Variants in NUP155 observed in about 807,000 individuals in gnomAD.
NUP155 encodes the protein nuclear pore complex protein Nup155.
In NUP155, 71 loss-of-function variants were observed where a neutral mutation model predicts 180.4. The ratio of observed to expected loss-of-function variants is 0.39; its 90% CI spans 0.33 to 0.48. The LOEUF is 0.48. NUP155 is among the 20% of genes least tolerant of loss of function. The pLI, the probability that NUP155 is intolerant of heterozygous loss-of-function variation, is 0.91. For missense variants in NUP155, 1,553 were observed against 1,648.9 expected (o/e 0.94, Z 1.01); for synonymous variants, 582 against 559.5 (o/e 1.04, Z -0.57).
At chr5:37,305,534 T>C (rs1040835259) in intron 25 of NUP155, among the ~76,000 whole-genome samples, 2 of 151,916 alleles carry the variant, frequency 1.3e-5, no homozygotes, top group African/African-American at 2.4e-5. Flanking sequence ...ATACAAAAAT[T>C]AGCCGGGCTT....
At chr5:37,292,650 A>G (rs988306434) in intron 34 of NUP155, among the ~76,000 whole-genome samples, 1 of 152,240 alleles carries the variant, frequency 6.6e-6, no homozygotes, top group Admixed American at 6.5e-5. Context: ...TCACTAATCT[A>G]AAGTAGAAGA....
Position 37,298,731 on chromosome 5 carries a change from G to T in NUP155, c.3793+137C>A. 5 of 662,838 alleles carry T rather than the reference G, an allele frequency of 7.5e-6. No individual in the cohort carries two copies. In the South Asian group the frequency reaches 8.5e-5, roughly 11 times the overall value. The allele number at this position is 662,838 out of a possible 1,614,324, so 41.1% of individuals were successfully genotyped here. A position where few individuals can be genotyped will look rare whatever the true frequency, so the allele number is the denominator to read the frequency against. On this transcript the variant is annotated intron_variant, in intron 32 of 34. Transcript: ENST00000231498. Reference sequence around the variant, plus strand: ...TCTGCCATTCTTTGGAAGTCTTTCCGGAGAGGCAGAATTAAAGTGCTGAAC... The same window carrying T: ...TCTGCCATTCTTTGGAAGTCTTTCCTGAGAGGCAGAATTAAAGTGCTGAAC...
intron 32 of NUP155, among the ~76,000 whole-genome samples, chr5:37,295,482 T>C (rs914811894): frequency 6.6e-6 from 1 of 151,806 alleles, no homozygotes; most frequent in African/African-American, 2.4e-5. Flanking sequence ...GTCTGGGAAG[T>C]GAGGAGCGTC....
Position 37,348,521 on chromosome 5 carries a change from C to T in NUP155, c.979G>A (p.Ala327Thr), listed in dbSNP as rs1232184446. The change falls in exon 9 of 35, where the codon GCT (alanine) becomes ACT (threonine). Residue 327 changes from alanine to threonine, a missense_variant. By Grantham distance (58) the Ala-to-Thr change is moderately conservative. Transcript: ENST00000231498. The stretch of plus-strand genomic sequence containing the variant: ...ACATGTTACCTAGCAATGTTACCAG[C>T]AGCAGAGACAATGGCATTCTGTGAC... ...SVSQNAIVSA[A>T]GNIARTIDRS... The T allele has an allele frequency of 3.1e-6, 5 of 1,607,576 alleles. No individual in the cohort carries two copies. Among genetic ancestry groups the T allele is most frequent in the Non-Finnish European group, 3.4e-6 (4 of 1,174,208 alleles).
chr5:37,330,104 A>T lies in NUP155; in HGVS notation c.1658T>A (p.Ile553Asn). ...ACAGGCAGCAGTGGAGCAAGCAAGAATAAGGCAAGTTGCACAAGCCTGGTC... is the reference window on the plus strand; with the variant it reads ...ACAGGCAGCAGTGGAGCAAGCAAGATTAAGGCAAGTTGCACAAGCCTGGTC... ...QEDQACATCL[I>N]LACSTAACDR... Residue 553 changes from isoleucine (I) to asparagine (N), a missense_variant, in exon 15 of 35, where the codon ATT (isoleucine) becomes AAT (asparagine). Ile to Asn is a moderately radical substitution (Grantham distance 149, BLOSUM62 -3). Coordinates refer to ENST00000231498, the MANE Select transcript of NUP155 (RefSeq NM_153485.3). The T allele has an allele frequency of 1.2e-6, 2 of 1,613,528 alleles. No homozygotes were observed. The highest frequency in any genetic ancestry group is 1.7e-6 in the Non-Finnish European group (2 of 1,179,710).
At position 37,295,987 on chromosome 5, in the gene NUP155, C is replaced by T. The variant is rs1742532786; in HGVS notation, c.3794-1522G>A. 4.2e-5 allele frequency among the ~76,000 whole-genome samples: 6 copies of T among 144,266 alleles called. No homozygotes were observed. In the South Asian group the frequency reaches 1.4e-3, roughly 34 times the overall value. 94.6% of individuals were successfully genotyped at this position (144,266 alleles called of 152,430 possible). ...AGCCCCTCTGCCCGGCCAGCCGCCC[C>T]ATCCGGGAGGGAGGAGGGGGGGGTC... On this transcript the variant is annotated intron_variant, in intron 32 of 34. Coordinates refer to ENST00000231498, the MANE Select transcript of NUP155 (RefSeq NM_153485.3).
intron 18 of NUP155, among the ~76,000 whole-genome samples, chr5:37,326,680 A>G (rs1744618163): frequency 6.6e-6 from 1 of 152,190 alleles, no homozygotes; most frequent in South Asian, 2.1e-4. Flanking sequence ...TGGAAAATAT[A>G]ACCTTGAACA....
chr5:37,364,851 T>A (rs946050317), intron 1 of NUP155, among the ~76,000 whole-genome samples: 1 of 151,832 alleles, frequency 6.6e-6, no homozygotes, highest in African/African-American at 2.4e-5. Flanking sequence ...TTAGCCAGGC[T>A]GGTCTTGATC....
At chr5:37,310,325 C>T (rs1212979245) in intron 23 of NUP155, among the ~76,000 whole-genome samples, 2 of 151,962 alleles carry the variant, frequency 1.3e-5, no homozygotes, top group Non-Finnish European at 2.9e-5. Flanking sequence ...AACCCTGTGT[C>T]AAATAAATAA....
intron 30 of NUP155, chr5:37,301,129 G>C (rs1286548550): frequency 3.1e-6 from 1 of 326,280 alleles, no homozygotes; most frequent in African/African-American, 2.2e-5. Context: ...GGCCTTTTTT[G>C]CTATTTTTTT....
At position 37,370,568 on chromosome 5, in the gene NUP155, G is replaced by C. The variant is rs1747894742; in HGVS notation, c.157+253C>G. The C allele has an allele frequency of 3.7e-6, 4 of 1,086,256 alleles. No individual in the cohort carries two copies. In the East Asian group the frequency reaches 1.2e-4, roughly 32 times the overall value. 67.3% of individuals were successfully genotyped at this position (1,086,256 alleles called of 1,614,324 possible). On this transcript the variant is annotated intron_variant, in intron 1 of 34. Coordinates refer to ENST00000231498, the MANE Select transcript of NUP155 (RefSeq NM_153485.3). ...TGAGAGCGGCGAGAAGCTCATTAAG[G>C]TTGAGGTCTTTGCCTCTTTCTGCTT...
At chr5:37,293,392 AC>A (rs77512916) in intron 33 of NUP155, among the ~76,000 whole-genome samples, 23,915 of 152,188 alleles carry the variant, frequency 0.16, 1,923 homozygotes, top group South Asian at 0.2. Context: ...GTCTGGCTTC[AC>A]CAGTTACTAG....
At chr5:37,355,765 A>G (rs1435678773) in intron 4 of NUP155, among the ~76,000 whole-genome samples, 2 of 151,826 alleles carry the variant, frequency 1.3e-5, no homozygotes, top group African/African-American at 2.4e-5. Context: ...TTTTTAGTAC[A>G]GATGGGGTTT....
intron 27 of NUP155, among the ~76,000 whole-genome samples, chr5:37,303,734 T>G (rs1012183689): frequency 2.0e-5 from 3 of 152,184 alleles, no homozygotes; most frequent in African/African-American, 7.2e-5. Context: ...TCATGTGAGC[T>G]CAGGAGTTTG....
chr5:37,338,531 C>G (rs375410784), intron 11 of NUP155, among the ~76,000 whole-genome samples: 19 of 151,434 alleles, frequency 1.3e-4, no homozygotes, highest in Non-Finnish European at 2.7e-4. Flanking sequence ...CTCAGCCTCC[C>G]GAGTAGCTGG....
At chr5:37,324,956 C>A (rs1465227790) in intron 19 of NUP155, among the ~76,000 whole-genome samples, 1 of 152,118 alleles carries the variant, frequency 6.6e-6, no homozygotes, top group Non-Finnish European at 1.5e-5. Flanking sequence ...TCGAGACCAG[C>A]CTGGCTAACA....
intron 26 of NUP155, 27 bp from the exon 27 acceptor site, chr5:37,304,870 A>C (rs1391265939): frequency 3.1e-6 from 5 of 1,589,002 alleles, no homozygotes; most frequent in Non-Finnish European, 4.3e-6. Context: ...AGTAAAAATT[A>C]GCAGTTAAAG....
chr5:37,341,253 G>A lies in NUP155; in HGVS notation c.1094-11C>T, dbSNP rs371013598. 1 of 1,612,202 alleles carries A rather than the reference G, an allele frequency of 6.2e-7. No individual in the cohort carries two copies. The highest frequency in any genetic ancestry group is 1.3e-5 in the African/African-American group (1 of 74,862). Reference sequence around the variant, plus strand: ...AATATAACCTAACACCTGAAGATGGGGTAAAATTATGCATCAGTAATAGAA... The same window carrying A: ...AATATAACCTAACACCTGAAGATGGAGTAAAATTATGCATCAGTAATAGAA... On this transcript the variant is annotated splice_polypyrimidine_tract_variant and intron_variant, in intron 10 of 34. Transcript: ENST00000231498.
chr5:37,331,784 C>T lies in NUP155; in HGVS notation c.1530G>A (p.Met510Ile), dbSNP rs780660872. 2 of 1,605,642 alleles carry T rather than the reference C, an allele frequency of 1.2e-6. No homozygotes were observed. Among genetic ancestry groups the T allele is most frequent in the Non-Finnish European group, 8.5e-7 (1 of 1,174,184 alleles). The stretch of plus-strand genomic sequence containing the variant: ...GATCTACAGGTCTAAGTTTATGAAA[C>T]ATAAGGCTCCCCTAAGAAATTTGAA... ...FVLLSAQGSL[M>I]FHKLRPVDQL... The change falls in exon 14 of 35, where the codon ATG (methionine) becomes ATA (isoleucine). Residue 510 changes from methionine (M) to isoleucine (I), a missense_variant. Physicochemically the swap from Met to Ile is conservative, Grantham distance 10 (BLOSUM62 1). Transcript: ENST00000231498.
Sources: gnomAD v4.1 joint callset for allele counts (sites outside exome capture counted in the v4.1 genomes callset) on GRCh38, gnomAD v4.1.1 for gene constraint, MANE v1.5 for transcripts, NCBI Gene and HGNC (gene_info 2026-07-23, HGNC 2026-07-21) for gene names.